The following MGA variants were observed in gnomAD, a reference collection of about 807,000 sequenced individuals.
The protein encoded by MGA is MAX dimerization protein MGA.
Under a neutral mutation model 261.1 loss-of-function variants are expected in MGA, and 40 were observed. That is an observed-to-expected ratio of 0.15 (90% CI 0.12 to 0.20). The LOEUF (loss-of-function observed/expected upper bound fraction) is 0.20. Among genes scored for constraint, MGA ranks in the 10% least tolerant of loss-of-function variants. MGA has a pLI of 1.00. For missense variants in MGA, 3,397 were observed against 3,630.5 expected (o/e 0.94, Z 1.65); for synonymous variants, 1,302 against 1,290.6 (o/e 1.01, Z -0.19).
chr15:41,681,058 C>A (rs986467209), intron 2 of MGA, among the ~76,000 whole-genome samples: 2 of 152,066 alleles, frequency 1.3e-5, no homozygotes, highest in African/African-American at 4.8e-5. Context: ...TCTGGAAATA[C>A]CAAAGATTTT....
At chr15:41,631,986 A>G (rs950385821) in intron 1 of MGA, among the ~76,000 whole-genome samples, 1 of 152,148 alleles carries the variant, frequency 6.6e-6, no homozygotes, top group African/African-American at 2.4e-5. Context: ...ATTACTCTCA[A>G]TAAAATTCTT....
At chr15:41,697,242 T>C (rs747167738) in intron 3 of MGA, among the ~76,000 whole-genome samples, 8 of 152,126 alleles carry the variant, frequency 5.3e-5, no homozygotes, top group Non-Finnish European at 7.4e-5. Flanking sequence ...AAGTATGTCT[T>C]GCTTAGATTT....
chr15:41,686,183 T>G (rs1331349546), intron 2 of MGA, among the ~76,000 whole-genome samples: 1 of 152,068 alleles, frequency 6.6e-6, no homozygotes, highest in African/African-American at 2.4e-5. Context: ...CTCTCTTGCT[T>G]TATTGCATTG....
At chr15:41,715,137 C>CT (rs766195852) in intron 9 of MGA, among the ~76,000 whole-genome samples, 38,353 of 124,506 alleles carry the variant, frequency 0.31, 5,979 homozygotes, top group Non-Finnish European at 0.39. Context: ...TGGTTTCTGT[C>CT]TTTTTTTTTT....
chr15:41,707,984 G>C (rs2060203078), intron 6 of MGA, 120 bp from the exon 7 acceptor site: 1 of 1,377,404 alleles, frequency 7.3e-7, no homozygotes, highest in Admixed American at 2.6e-5. Flanking sequence ...TCTTTTGTCT[G>C]TTGTTATAGT....
intron 1 of MGA, among the ~76,000 whole-genome samples, chr15:41,622,885 C>A (rs1465465227): frequency 6.6e-6 from 1 of 152,120 alleles, no homozygotes; most frequent in Non-Finnish European, 1.5e-5. Context: ...TTTATTATAC[C>A]TTTTGATTTA....
At chr15:41,706,360 A>G (rs987068682) in intron 5 of MGA, among the ~76,000 whole-genome samples, 11 of 148,490 alleles carry the variant, frequency 7.4e-5, no homozygotes, top group Non-Finnish European at 1.6e-4. Flanking sequence ...TGGTCTTCCC[A>G]CCTCAGCTTT....
chr15:41,694,034 A>G (rs2059424221), intron 2 of MGA, among the ~76,000 whole-genome samples: 2 of 152,102 alleles, frequency 1.3e-5, no homozygotes, highest in Admixed American at 6.5e-5. Flanking sequence ...AAAACTGTTT[A>G]GTGTAACTTT....
rs2059687404 is a variant in MGA, at chr15:41,698,896, A to G, written c.2047A>G (p.Thr683Ala). Residue 683 changes from threonine to alanine, a missense_variant, in exon 4 of 24, where the codon ACA becomes GCA. Around this residue, in one of 9 missense-constraint regions of MGA, gnomAD observed 563 missense variants for 563.6 expected, o/e 1.00. Coordinates refer to ENST00000219905, the MANE Select transcript of MGA (RefSeq NM_001164273.2). ...AGACATTCATGCAGTTGATGGGACA[A>G]CAGAAGAATCTTCTAGTCTCCAGGC... is the stretch of plus-strand genomic sequence containing the variant. 1.3e-6 allele frequency: 2 copies of G among 1,550,020 alleles called. No individual in the cohort carries two copies. Among genetic ancestry groups the G allele is most frequent in the South Asian group, 2.4e-5 (2 of 83,966 alleles).
intron 1 of MGA, among the ~76,000 whole-genome samples, chr15:41,632,624 C>T (rs1384674391): frequency 5.3e-5 from 8 of 152,158 alleles, no homozygotes; most frequent in African/African-American, 1.9e-4. Flanking sequence ...TTTCCCTTGC[C>T]CTCCAACCTC....
Position 41,729,285 on chromosome 15 carries a change from C to T in MGA, c.3779C>T (p.Pro1260Leu). The T allele has an allele frequency of 6.2e-7, 1 of 1,613,880 alleles. No individual in the cohort carries two copies. The highest frequency in any genetic ancestry group is 8.5e-7 in the Non-Finnish European group (1 of 1,179,860). ...AGACAACCATCTTCCTCCTCCTCCCCATCTCCATCATTTCAGCAGCAAACT... is the reference window on the plus strand; with the variant it reads ...AGACAACCATCTTCCTCCTCCTCCCTATCTCCATCATTTCAGCAGCAAACT... The change falls in exon 11 of 24, where the codon CCA becomes CTA. Residue 1260 changes from proline (P) to leucine (L), a missense_variant. This residue lies in a region of MGA where 1,410 missense variants were observed against 1,386.4 expected (regional missense o/e 1.02). Transcript: ENST00000219905.
chr15:41,664,362 A>G (rs902440136), intron 1 of MGA, among the ~76,000 whole-genome samples: 3 of 152,212 alleles, frequency 2.0e-5, no homozygotes, highest in Non-Finnish European at 2.9e-5. Context: ...GGTTTTTGTC[A>G]ACTGCATCTT....
chr15:41,737,883 G>A (rs907334943), intron 13 of MGA, among the ~76,000 whole-genome samples: 1 of 152,082 alleles, frequency 6.6e-6, no homozygotes, highest in Non-Finnish European at 1.5e-5. Context: ...GAGAGGCTGA[G>A]GCAGGAGAAT....
chr15:41,752,987 CTG>C (rs1175078696), intron 17 of MGA, among the ~76,000 whole-genome samples: 1 of 152,180 alleles, frequency 6.6e-6, no homozygotes, highest in African/African-American at 2.4e-5. Flanking sequence ...AAAGTCTACA[CTG>C]TTTTTATTTG....
At chr15:41,739,371 A>G (rs2061966289) in intron 13 of MGA, among the ~76,000 whole-genome samples, 1 of 152,216 alleles carries the variant, frequency 6.6e-6, no homozygotes, top group Admixed American at 6.5e-5. Context: ...TGAAAATGAA[A>G]AACTGTGAGG....
At chr15:41,632,468 G>A (rs1182514380) in intron 1 of MGA, among the ~76,000 whole-genome samples, 1 of 152,184 alleles carries the variant, frequency 6.6e-6, no homozygotes, top group Non-Finnish European at 1.5e-5. Flanking sequence ...GACATGACCA[G>A]AACTTGAATG....
upstream of MGA, among the ~76,000 whole-genome samples, chr15:41,656,377 T>TCTCTCTCACACA (rs1555403733): frequency 5.9e-5 from 4 of 68,314 alleles, no homozygotes; most frequent in Non-Finnish European, 6.9e-5. Context: ...TCTCTCTCTC[T>TCTCTCTCACACA]CACACCCAGG....
chr15:41,729,552 T>C (rs1657217825), intron 11 of MGA, among the ~76,000 whole-genome samples: 1 of 152,152 alleles, frequency 6.6e-6, no homozygotes, highest in Non-Finnish European at 1.5e-5. Flanking sequence ...TTGGGTGCTG[T>C]GGCTCATGTC....
At position 41,711,368 on chromosome 15, in the gene MGA, C is replaced by G. The variant is rs1171851936; in HGVS notation, c.3084+19C>G. 6.4e-7 allele frequency: 1 copy of G among 1,568,648 alleles called. No homozygotes were observed. The highest frequency in any genetic ancestry group is 1.4e-5 in the African/African-American group (1 of 73,432). On this transcript the variant is annotated intron_variant, in intron 8 of 23. Transcript: ENST00000219905. ...AGCTCAAGTAAGTAGCTGCTGTTTT[C>G]TGGAGGTATATTAGTGCTTGGCTAG...
Sources: allele counts gnomAD v4.1 joint callset (sites outside exome capture counted in the v4.1 genomes callset), GRCh38; gene constraint gnomAD v4.1.1; regional missense constraint gnomAD v4.1.1; transcripts MANE v1.5; gene names NCBI Gene and HGNC (gene_info 2026-07-23, HGNC 2026-07-21).